The following RASEF variants were observed in gnomAD, a reference collection of about 807,000 sequenced individuals.
The protein encoded by RASEF is ras and EF-hand domain-containing protein.
A neutral mutation model predicts 90.1 loss-of-function variants in RASEF; 68 were observed. The observed-to-expected ratio is 0.75, with a 90% CI of 0.62 to 0.92. The LOEUF is 0.92. Ranked by LOEUF, RASEF falls within the 40% of genes least tolerant of loss-of-function variation. RASEF has a pLI of 0.00. For synonymous variants in RASEF, 331 were observed against 345.2 expected, an observed-to-expected ratio of 0.96 and a Z score of 0.46; for missense variants, 949 against 937.2, an observed-to-expected ratio of 1.01 and a Z score of -0.16.
the RASEF span, among the ~76,000 whole-genome samples, chr9:83,110,203 A>G: frequency 4.6e-5 from 7 of 152,132 alleles, no homozygotes; most frequent in African/African-American, 9.7e-5. Context: ...CAAAGCGACC[A>G]TATTTTGGAA....
the RASEF span, among the ~76,000 whole-genome samples, chr9:83,163,090 C>T: frequency 2.0e-5 from 3 of 152,166 alleles, no homozygotes; most frequent in Admixed American, 1.3e-4. Context: ...CCTAAGTGAC[C>T]TGGGAGAAAA....
At chr9:83,004,814 C>T (rs1223639615) in intron 8 of RASEF, among the ~76,000 whole-genome samples, 1 of 152,178 alleles carries the variant, frequency 6.6e-6, no homozygotes, top group East Asian at 1.9e-4. Flanking sequence ...TCCTATCTTA[C>T]GTCCAAACCC....
the RASEF span, among the ~76,000 whole-genome samples, chr9:83,199,725 A>T: frequency 6.6e-6 from 1 of 152,224 alleles, no homozygotes; most frequent in East Asian, 1.9e-4. Context: ...AAGGAAGGAA[A>T]AGAGGAGGCA....
At chr9:83,017,634 T>C (rs1322661016) in intron 3 of RASEF, among the ~76,000 whole-genome samples, 1 of 152,152 alleles carries the variant, frequency 6.6e-6, no homozygotes, top group East Asian at 1.9e-4. Flanking sequence ...TGAGAAATGG[T>C]AGTGGTTCAG....
At chr9:83,143,280 C>G in the RASEF span, among the ~76,000 whole-genome samples, 2 of 152,092 alleles carry the variant, frequency 1.3e-5, no homozygotes, top group African/African-American at 4.8e-5. Flanking sequence ...AAATTATCAA[C>G]AGTAAACAGA....
chr9:83,189,140 C>T, the RASEF span, among the ~76,000 whole-genome samples: 1 of 152,180 alleles, frequency 6.6e-6, no homozygotes, highest in Non-Finnish European at 1.5e-5. Context: ...GTGGGAGGGG[C>T]CCAGTGGCAG....
At chr9:83,013,660 A>C (rs1422132974) in intron 4 of RASEF, among the ~76,000 whole-genome samples, 1 of 152,220 alleles carries the variant, frequency 6.6e-6, no homozygotes, top group African/African-American at 2.4e-5. Flanking sequence ...CAAACTGTGT[A>C]GTAAGATGGC....
chr9:83,173,453 G>A, the RASEF span, among the ~76,000 whole-genome samples: 1 of 151,296 alleles, frequency 6.6e-6, no homozygotes, highest in Non-Finnish European at 1.5e-5. Context: ...CTCTGACTGT[G>A]TATTTTCAAA....
At chr9:83,089,900 A>AGAT in the RASEF span, among the ~76,000 whole-genome samples, 1 of 88,536 alleles carries the variant, frequency 1.1e-5, no homozygotes, top group Admixed American at 1.1e-4. Context: ...GATGATAGAT[A>AGAT]GATAGATAGA....
At chr9:83,064,942 C>A (rs996385412), upstream of RASEF, among the ~76,000 whole-genome samples, 4 of 152,210 alleles carry the variant, frequency 2.6e-5, no homozygotes, top group Non-Finnish European at 5.9e-5. Context: ...GTGGCGGGCA[C>A]CTTTAGTCCC....
chr9:82,998,343 T>C (rs777055891), intron 13 of RASEF, 22 bp downstream of exon 13: 6 of 1,531,530 alleles, frequency 3.9e-6, no homozygotes, highest in Middle Eastern at 1.7e-4. Flanking sequence ...GGATATCCCA[T>C]AGCGCTGCGG....
intron 1 of RASEF, among the ~76,000 whole-genome samples, chr9:83,033,384 T>C (rs1829679987): frequency 6.6e-6 from 1 of 152,172 alleles, no homozygotes; most frequent in South Asian, 2.1e-4. Flanking sequence ...CAGGTGAACA[T>C]GACCAGTCCT....
the RASEF span, among the ~76,000 whole-genome samples, chr9:83,096,806 G>A: frequency 3.9e-3 from 533 of 135,068 alleles, 4 homozygotes; most frequent in Admixed American, 0.022. Flanking sequence ...AACAGGCCCC[G>A]GTGTGTGATA....
the RASEF span, among the ~76,000 whole-genome samples, chr9:83,172,687 TTG>T: frequency 6.6e-6 from 1 of 151,936 alleles, no homozygotes; most frequent in Admixed American, 6.6e-5. Flanking sequence ...TTCTGACTTT[TTG>T]TGTTTTATAT....
intron 6 of RASEF, among the ~76,000 whole-genome samples, chr9:83,008,428 C>G (rs969612925): frequency 6.6e-6 from 1 of 152,078 alleles, no homozygotes. Context: ...CACCTTTCCC[C>G]AAGCCGTATC....
At chr9:83,171,280 C>A in the RASEF span, among the ~76,000 whole-genome samples, 1 of 151,898 alleles carries the variant, frequency 6.6e-6, no homozygotes, top group African/African-American at 2.4e-5. Context: ...ATGAACCCCA[C>A]TTGATAATAA....
At chr9:83,073,805 A>G in the RASEF span, among the ~76,000 whole-genome samples, 1 of 152,246 alleles carries the variant, frequency 6.6e-6, no homozygotes, top group African/African-American at 2.4e-5. Context: ...AATCTTAGTC[A>G]AGAGTTAAAA....
intron 1 of RASEF, among the ~76,000 whole-genome samples, chr9:83,053,913 C>T (rs1427399537): frequency 1.0e-4 from 6 of 57,144 alleles, no homozygotes; most frequent in African/African-American, 1.8e-4. Context: ...CCGAGAGATC[C>T]GCTGTTAGTC....
At chr9:83,040,390 ATG>A (rs1170424232) in intron 1 of RASEF, among the ~76,000 whole-genome samples, 1 of 152,212 alleles carries the variant, frequency 6.6e-6, no homozygotes, top group Non-Finnish European at 1.5e-5. Context: ...AATAACATAT[ATG>A]TGAGTTCCAA....
Sources: gnomAD v4.1 joint callset for allele counts (sites outside exome capture counted in the v4.1 genomes callset) on GRCh38, gnomAD v4.1.1 for gene constraint, MANE v1.5 for transcripts, NCBI Gene and HGNC (gene_info 2026-07-23, HGNC 2026-07-21) for gene names.